TUSC3: variants seen among roughly 807,000 people sequenced by gnomAD.
TUSC3 encodes the protein tumor suppressor candidate 3.
A neutral mutation model predicts 44.8 loss-of-function variants in TUSC3; 45 were observed. That is an observed-to-expected ratio of 1.00 (90% CI 0.79 to 1.29). TUSC3 has a LOEUF of 1.29. Ranked by LOEUF, TUSC3 falls within the 50% of genes most tolerant of loss-of-function variation. TUSC3 has a pLI of 0.00. For missense variants in TUSC3, 519 were observed against 437.9 expected, an observed-to-expected ratio of 1.19 and a Z score of -1.65; for synonymous variants, 212 against 152.9, an observed-to-expected ratio of 1.39 and a Z score of -2.85.
At chr8:15,465,499 A>T (rs1451559939) in intron 1 of TUSC3, among the ~76,000 whole-genome samples, 3 of 152,218 alleles carry the variant, frequency 2.0e-5, no homozygotes, top group East Asian at 3.8e-4. Context: ...AACATTATTG[A>T]TTTTAAAAAA....
intron 1 of TUSC3, among the ~76,000 whole-genome samples, chr8:15,554,976 C>G (rs1802191068): frequency 6.6e-6 from 1 of 151,168 alleles, no homozygotes; most frequent in Non-Finnish European, 1.5e-5. Flanking sequence ...TGAAGCGCTG[C>G]TAAATCGTGT....
intron 1 of TUSC3, among the ~76,000 whole-genome samples, chr8:15,440,183 G>T (rs1237513102): frequency 1.3e-5 from 2 of 152,244 alleles, no homozygotes; most frequent in South Asian, 2.1e-4. Flanking sequence ...TCAGCTGAGG[G>T]CTGAAAGGTG....
intron 5 of TUSC3, among the ~76,000 whole-genome samples, chr8:15,666,192 T>A (rs139022959): frequency 8.3e-4 from 126 of 151,510 alleles, no homozygotes; most frequent in African/African-American, 3.0e-3. Context: ...TCCTCATAGG[T>A]GACTGTCATT....
chr8:15,830,875 A>T, the TUSC3 span, among the ~76,000 whole-genome samples: 1 of 152,200 alleles, frequency 6.6e-6, no homozygotes, highest in Non-Finnish European at 1.5e-5. Context: ...GCCATATAAC[A>T]AACCTGTGCA....
chr8:15,675,028 A>G (rs1172785631), intron 6 of TUSC3, among the ~76,000 whole-genome samples: 2 of 151,310 alleles, frequency 1.3e-5, no homozygotes, highest in South Asian at 4.2e-4. Context: ...CTCCTGTTTT[A>G]TTTTTTCTCC....
At chr8:15,641,322 C>T (rs915316280) in intron 2 of TUSC3, among the ~76,000 whole-genome samples, 1 of 142,222 alleles carries the variant, frequency 7.0e-6, no homozygotes, top group South Asian at 2.2e-4. Flanking sequence ...GATTGTGCCA[C>T]TGCACTCCGG....
chr8:15,810,080 G>A, the TUSC3 span, among the ~76,000 whole-genome samples: 11 of 152,230 alleles, frequency 7.2e-5, no homozygotes, highest in Admixed American at 1.3e-4. Context: ...GTAGCAAGCC[G>A]TAAACAATGG....
Position 15,730,678 on chromosome 8 carries a change from G to A in TUSC3, c.811G>A (p.Gly271Arg). Residue 271 changes from glycine to arginine, a missense_variant, in exon 7 of 11, where the codon GGG becomes AGG. Coordinates refer to ENST00000503731, the MANE Select transcript of TUSC3 (RefSeq NM_006765.4). ...PHNGQVSYIH[G>R]SSQAQFVAES... ...TCTTCTTTTATAGAGCTACATTCATGGGAGCAGCCAGGCTCAGTTTGTGGC... is the reference window on the plus strand; with the variant it reads ...TCTTCTTTTATAGAGCTACATTCATAGGAGCAGCCAGGCTCAGTTTGTGGC... 1.2e-6 allele frequency: 2 copies of A among 1,612,938 alleles called. No homozygotes were observed. Among genetic ancestry groups the A allele is most frequent in the Non-Finnish European group, 1.7e-6 (2 of 1,179,332 alleles).
the TUSC3 span, among the ~76,000 whole-genome samples, chr8:15,836,987 GT>G: frequency 4.9e-3 from 740 of 151,806 alleles, 4 homozygotes; most frequent in African/African-American, 0.017. Context: ...ATAATAACTA[GT>G]TTTTTTTCTA....
intron 1 of TUSC3, among the ~76,000 whole-genome samples, chr8:15,547,685 G>C (rs1164407405): frequency 7.0e-6 from 1 of 142,764 alleles, no homozygotes; most frequent in African/African-American, 2.7e-5. Flanking sequence ...CCTTTGGGAA[G>C]TGATAGGTCC....
chr8:15,652,004 C>T lies in TUSC3; in HGVS notation c.426+1190C>T, dbSNP rs553997819. ...AAGGAATGCAGAAATTGTTGCTTGT[C>T]CAAGGTCACAAAGTTAGTGTAATGT... is the stretch of plus-strand genomic sequence containing the variant. On this transcript the variant is annotated intron_variant, in intron 3 of 10. Coordinates refer to ENST00000503731, the MANE Select transcript of TUSC3 (RefSeq NM_006765.4). Among the ~76,000 whole-genome samples, 39 of 152,296 alleles carry T rather than the reference C, an allele frequency of 2.6e-4. No homozygotes were observed. The South Asian group carries it at 8.1e-3, about 32-fold the overall frequency.
the TUSC3 span, among the ~76,000 whole-genome samples, chr8:15,805,998 T>A: frequency 6.6e-6 from 1 of 152,190 alleles, no homozygotes; most frequent in African/African-American, 2.4e-5. Flanking sequence ...GAGCCAGAAG[T>A]TGTACTGCTG....
intron 1 of TUSC3, among the ~76,000 whole-genome samples, chr8:15,578,876 G>GT (rs1803214810): frequency 6.6e-6 from 1 of 152,140 alleles, no homozygotes; most frequent in African/African-American, 2.4e-5. Flanking sequence ...GATTGGAATA[G>GT]TTTCAGAAGG....
intron 1 of TUSC3, among the ~76,000 whole-genome samples, chr8:15,578,857 T>G (rs1001516378): frequency 1.3e-5 from 2 of 152,074 alleles, no homozygotes; most frequent in African/African-American, 4.8e-5. Flanking sequence ...GATTCCCTCT[T>G]TTTCTATTGA....
chr8:15,575,901 A>C, intron 1 of TUSC3, among the ~76,000 whole-genome samples: 1 of 152,144 alleles, frequency 6.6e-6, no homozygotes, highest in Non-Finnish European at 1.5e-5. Context: ...TGAATTTTAC[A>C]TTGGGGAAAG....
intron 6 of TUSC3, among the ~76,000 whole-genome samples, chr8:15,695,412 G>T (rs910345134): frequency 6.6e-6 from 1 of 152,196 alleles, no homozygotes; most frequent in Non-Finnish European, 1.5e-5. Context: ...CTTCTGCCAT[G>T]ATTGTGAGGC....
At chr8:15,420,422 T>C (rs1214184817) in intron 1 of TUSC3, among the ~76,000 whole-genome samples, 1 of 151,548 alleles carries the variant, frequency 6.6e-6, no homozygotes, top group Non-Finnish European at 1.5e-5. Flanking sequence ...CACTTGAACC[T>C]GGGAAGTGGA....
At chr8:15,820,310 C>CT in the TUSC3 span, among the ~76,000 whole-genome samples, 2,400 of 97,554 alleles carry the variant, frequency 0.025, 54 homozygotes, top group Admixed American at 0.044. Flanking sequence ...ATCTGTAATT[C>CT]TTTTTTTTTT....
chr8:15,417,512 G>A (rs1799674473), intron 1 of TUSC3, among the ~76,000 whole-genome samples: 1 of 152,180 alleles, frequency 6.6e-6, no homozygotes, highest in African/African-American at 2.4e-5. Context: ...ATCCTGACCT[G>A]TAAAACCACA....
Sources: allele counts gnomAD v4.1 joint callset (sites outside exome capture counted in the v4.1 genomes callset), GRCh38; gene constraint gnomAD v4.1.1; transcripts MANE v1.5; gene names NCBI Gene and HGNC (gene_info 2026-07-23, HGNC 2026-07-21).